Variants in PASD1 observed in about 807,000 individuals in gnomAD.
PASD1 encodes circadian clock protein PASD1.
PASD1 carries 13 observed loss-of-function variants against 58.8 expected under a neutral mutation model. That is an observed-to-expected ratio of 0.22 (90% confidence interval 0.14 to 0.35). The LOEUF (loss-of-function observed/expected upper bound fraction) is 0.35. Among genes scored for constraint, PASD1 ranks in the 10% least tolerant of loss-of-function variants. The pLI, the probability that PASD1 is intolerant of heterozygous loss-of-function variation, is 1.00. For missense variants in PASD1, 734 were observed against 568.3 expected (o/e 1.29, Z -2.96); for synonymous variants, 236 against 216.7 (o/e 1.09, Z -0.78).
chrX:151,655,894 A>G (rs191520586), intron 9 of PASD1, among the ~76,000 whole-genome samples: 101 of 111,777 alleles, frequency 9.0e-4, no homozygotes, highest in African/African-American at 3.2e-3. Context: ...TTTTGTTGCC[A>G]TTGCTTTTGG....
At chrX:151,615,760 C>T (rs781753265) in intron 4 of PASD1, among the ~76,000 whole-genome samples, 5 of 112,302 alleles carry the variant, frequency 4.5e-5, no homozygotes, top group Admixed American at 1.9e-4. Context: ...ACTTGGTCTT[C>T]GGAATCAAAT....
chrX:151,649,535 C>T (rs752611574), intron 9 of PASD1, among the ~76,000 whole-genome samples: 1 of 111,657 alleles, frequency 9.0e-6, no homozygotes, highest in South Asian at 3.9e-4. Flanking sequence ...TATAATAATG[C>T]TCAAAGGAAT....
chrX:151,614,530 G>A (rs141182273), intron 4 of PASD1, among the ~76,000 whole-genome samples: 1,150 of 112,016 alleles, frequency 0.01, 18 homozygotes, highest in African/African-American at 0.036. Context: ...GGTTGTGTTA[G>A]CAAAAAGTTT....
At chrX:151,579,312 A>G (rs756126013) in intron 1 of PASD1, among the ~76,000 whole-genome samples, 1 of 112,249 alleles carries the variant, frequency 8.9e-6, no homozygotes, top group East Asian at 2.8e-4. Context: ...AAATTTTTTA[A>G]TAAGGTGAGT....
chrX:151,625,336 T>G, intron 7 of PASD1, 112 bp from the exon 8 acceptor site: 1 of 477,859 alleles, frequency 2.1e-6, no homozygotes. Context: ...CACATTGATA[T>G]GCAGATTATT....
intron 1 of PASD1, among the ~76,000 whole-genome samples, chrX:151,593,933 A>G (rs192807378): frequency 7.2e-5 from 8 of 111,673 alleles, no homozygotes; most frequent in African/African-American, 2.6e-4. Context: ...CTAATCAACA[A>G]TCCTAAACTA....
intron 1 of PASD1, among the ~76,000 whole-genome samples, chrX:151,593,163 C>A (rs978999928): frequency 6.3e-5 from 7 of 110,691 alleles, no homozygotes; most frequent in Non-Finnish European, 9.5e-5. Context: ...TCACCCAAAT[C>A]TTTTATTATT....
chrX:151,672,215 G>A lies in PASD1; in HGVS notation c.1470G>A (p.Lys490=), dbSNP rs866129243. The part of the protein sequence containing the change: ...QQLVQQEQHL[K]EQQRQLREQL... ...TGGTGCAGCAAGAACAACACCTGAA[G>A]GAGCAGCAGCGGCAGCTGCGGGAGC... is the stretch of plus-strand genomic sequence containing the variant. The change falls in exon 14 of 16, where the codon AAG becomes AAA. Residue 490 remains lysine (K), a synonymous_variant. Transcript: ENST00000370357. The A allele has an allele frequency of 8.8e-7, 1 of 1,136,155 alleles. No homozygotes were observed. The highest frequency in any genetic ancestry group is 1.2e-6 in the Non-Finnish European group (1 of 850,550). 93.6% of individuals were successfully genotyped at this position (1,136,155 alleles called of 1,213,427 possible).
At chrX:151,658,506 G>C (rs1282255883) in intron 9 of PASD1, among the ~76,000 whole-genome samples, 1 of 112,432 alleles carries the variant, frequency 8.9e-6, no homozygotes, top group Non-Finnish European at 1.9e-5. Flanking sequence ...CAAAGAGTTA[G>C]TGATTAAATC....
chrX:151,619,642 C>T (rs59165299), intron 4 of PASD1, among the ~76,000 whole-genome samples: 9,902 of 111,105 alleles, frequency 0.089, 436 homozygotes, highest in African/African-American at 0.16. Context: ...AATGCTGAGA[C>T]GCTTGGTAAG....
At chrX:151,652,497 C>T (rs1379097083) in intron 9 of PASD1, among the ~76,000 whole-genome samples, 1 of 102,646 alleles carries the variant, frequency 9.7e-6, no homozygotes, top group East Asian at 3.0e-4. Context: ...CGTGCCACTG[C>T]ACTCCAGCCT....
At chrX:151,672,816 G>A (rs1243300825) in intron 14 of PASD1, 155 bp downstream of exon 14, 8 of 902,748 alleles carry the variant, frequency 8.9e-6, no homozygotes, top group Non-Finnish European at 1.2e-5. Flanking sequence ...CTTCTCTGTG[G>A]CCACGGCCAT....
At position 151,592,957 on chromosome X, in the gene PASD1, T is replaced by C. The variant is rs372838716; in HGVS notation, c.-27-8570T>C. On this transcript the variant is annotated intron_variant, in intron 1 of 15. Coordinates refer to ENST00000370357, the MANE Select transcript of PASD1 (RefSeq NM_173493.3). ...TAAGGGGAGTATTTAAATTACCAAC[T>C]CTTAATTGTGGATTTATTTATTTCT... Among the ~76,000 whole-genome samples the C allele has an allele frequency of 7.2e-5, 8 of 111,777 alleles. No homozygotes were observed. In the East Asian group the frequency reaches 1.4e-3, roughly 20 times the overall value.
chrX:151,569,783 G>A (rs1287790040), intron 1 of PASD1, among the ~76,000 whole-genome samples: 1 of 110,691 alleles, frequency 9.0e-6, no homozygotes, highest in Non-Finnish European at 1.9e-5. Flanking sequence ...CTGGCATCAG[G>A]TAGCCAAGAG....
chrX:151,665,985 C>T (rs1483800879), intron 11 of PASD1, among the ~76,000 whole-genome samples: 1 of 107,251 alleles, frequency 9.3e-6, no homozygotes, highest in Admixed American at 1.0e-4. Flanking sequence ...ACAAGTTGAA[C>T]AATTTTCAAT....
chrX:151,569,899 C>T (rs1217129601), intron 1 of PASD1, among the ~76,000 whole-genome samples: 2 of 110,758 alleles, frequency 1.8e-5, no homozygotes, highest in Non-Finnish European at 3.8e-5. Flanking sequence ...CAATGTGGCT[C>T]ATACATTGTC....
chrX:151,629,000 A>G (rs762897821), intron 8 of PASD1, among the ~76,000 whole-genome samples: 133 of 111,684 alleles, frequency 1.2e-3, no homozygotes, highest in African/African-American at 4.1e-3. Flanking sequence ...TTTGTCTGTT[A>G]TTGGTGTATA....
chrX:151,617,299 T>C (rs575720494), intron 4 of PASD1, among the ~76,000 whole-genome samples: 140 of 111,179 alleles, frequency 1.3e-3, no homozygotes, highest in Non-Finnish European at 1.7e-3. Flanking sequence ...CTGGAACAGA[T>C]CCAGTGTTTC....
chrX:151,594,253 G>C (rs962482465), intron 1 of PASD1, among the ~76,000 whole-genome samples: 1 of 111,704 alleles, frequency 9.0e-6, no homozygotes, highest in South Asian at 3.8e-4. Flanking sequence ...GATTACAGGC[G>C]TGAGCCACCG....
Sources: gnomAD v4.1 joint callset for allele counts (sites outside exome capture counted in the v4.1 genomes callset) on GRCh38, gnomAD v4.1.1 for gene constraint, MANE v1.5 for transcripts, NCBI Gene and HGNC (gene_info 2026-07-23, HGNC 2026-07-21) for gene names.